Variants in MS4A2 observed in about 807,000 individuals in gnomAD.
MS4A2 encodes the protein membrane spanning 4-domains A2.
In MS4A2, 26 loss-of-function variants were observed where a neutral mutation model predicts 27.9. The ratio of observed to expected loss-of-function variants is 0.93; its 90% CI spans 0.68 to 1.29. The LOEUF is 1.29. Ranked by LOEUF, MS4A2 falls within the 50% of genes most tolerant of loss-of-function variation. The pLI is 0.00. For synonymous variants in MS4A2, 110 were observed against 98.8 expected (o/e 1.11, Z -0.67); for missense variants, 284 against 284.6 (o/e 1.00, Z 0.01).
At chr11:60,092,164 A>G (rs371903404) in intron 3 of MS4A2, among the ~76,000 whole-genome samples, 3 of 152,186 alleles carry the variant, frequency 2.0e-5, no homozygotes, top group Non-Finnish European at 2.9e-5. Context: ...TTGCTACTCC[A>G]AGAGTAACCC....
intron 3 of MS4A2, 93 bp downstream of exon 3, chr11:60,090,563 C>G (rs2847663): frequency 0.39 from 446,709 of 1,135,178 alleles, 91,638 homozygotes; most frequent in South Asian, 0.5. Context: ...CCAGTATTAA[C>G]ATGATATTTA....
In MS4A2 at chr11:60,097,956, T is replaced by C. The variant is rs1176662131; in HGVS notation, c.*2300T>C. On this transcript the variant is annotated 3_prime_UTR_variant, in exon 7 of 7. Coordinates refer to ENST00000278888, the MANE Select transcript of MS4A2 (RefSeq NM_000139.5). ...TCTACTCTTGATCATCTGTAGGTAT[T>C]AATCACATCACTTCCATGGCATGGA... 1.3e-5 allele frequency: 2 copies of C among 152,234 alleles called. No homozygotes were observed. Among genetic ancestry groups the C allele is most frequent in the East Asian group, 3.8e-4 (2 of 5,202 alleles). The allele number at this position is 152,234 out of a possible 1,614,324, so 9.4% of individuals were successfully genotyped here.
At position 60,097,238 on chromosome 11, in the gene MS4A2, A is replaced by G. The variant is rs1041790369; in HGVS notation, c.*1582A>G. 15 of 152,252 alleles carry G rather than the reference A, an allele frequency of 9.9e-5. No homozygotes were observed. Among genetic ancestry groups the G allele is most frequent in the African/African-American group, 3.4e-4 (14 of 41,460 alleles). The allele number at this position is 152,252 out of a possible 1,614,324, so 9.4% of individuals were successfully genotyped here. A position where few individuals can be genotyped will look rare whatever the true frequency, so the allele number is the denominator to read the frequency against. The stretch of plus-strand genomic sequence containing the variant: ...GAAGATACAATAATTAGTCATAAAC[A>G]TGCATTGTGAAACTGTAGAGAGCAG... On this transcript the variant is annotated 3_prime_UTR_variant, in exon 7 of 7. Coordinates refer to ENST00000278888, the MANE Select transcript of MS4A2 (RefSeq NM_000139.5).
chr11:60,089,935 A>C, intron 2 of MS4A2, 114 bp downstream of exon 2: 1 of 1,350,668 alleles, frequency 7.4e-7, no homozygotes, highest in East Asian at 2.4e-5. Context: ...GGTCCTTTAA[A>C]AAACATGGTA....
chr11:60,096,585 G>A lies in MS4A2; in HGVS notation c.*929G>A, dbSNP rs1855871760. ...ATGAAAGGAGAACACTGGTTATGTTGATAGAATGATAAAAAGGGTCGGGCG... is the reference window on the plus strand; with the variant it reads ...ATGAAAGGAGAACACTGGTTATGTTAATAGAATGATAAAAAGGGTCGGGCG... On this transcript the variant is annotated 3_prime_UTR_variant, in exon 7 of 7. Coordinates refer to ENST00000278888, the MANE Select transcript of MS4A2 (RefSeq NM_000139.5). The A allele has an allele frequency of 6.6e-6, 1 of 152,128 alleles. No individual in the cohort carries two copies. The allele number at this position is 152,128 out of a possible 1,614,324, so 9.4% of individuals were successfully genotyped here.
rs4405337 is a variant in MS4A2, at chr11:60,092,745, G to A, written c.322-47G>A. ...AAGATGGGGTTAAAAAGGACACATTGAAAACAAGAAACTCATTGTGGCTTT... is the reference window on the plus strand; with the variant it reads ...AAGATGGGGTTAAAAAGGACACATTAAAAACAAGAAACTCATTGTGGCTTT... On this transcript the variant is annotated intron_variant, in intron 3 of 6. Coordinates refer to ENST00000278888, the MANE Select transcript of MS4A2 (RefSeq NM_000139.5). 3,374 of 1,567,996 alleles carry A rather than the reference G, an allele frequency of 2.2e-3. 67 individuals are homozygous for A. The African/African-American group carries it at 0.041, about 19-fold the overall frequency.
At position 60,090,446 on chromosome 11, in the gene MS4A2, T is replaced by C; in HGVS notation, c.297T>C (p.Gly99=). 1 of 1,613,260 alleles carries C rather than the reference T, an allele frequency of 6.2e-7. No homozygotes were observed. Among genetic ancestry groups the C allele is most frequent in the Non-Finnish European group, 8.5e-7 (1 of 1,179,850 alleles). Residue 99 remains glycine, a synonymous_variant, in exon 3 of 7, where the codon GGT becomes GGC. Coordinates refer to ENST00000278888, the MANE Select transcript of MS4A2 (RefSeq NM_000139.5). ...EGDIFSSFKA[G]YPFWGAIFFS... ...ACATTTTTTCATCATTTAAAGCAGG[T>C]TATCCATTCTGGGGAGCCATATTTG... is the stretch of plus-strand genomic sequence containing the variant.
At chr11:60,093,291 G>T in intron 4 of MS4A2, 109 bp from the exon 5 acceptor site, 1 of 1,412,942 alleles carries the variant, frequency 7.1e-7, no homozygotes. Flanking sequence ...ACCAAAATTT[G>T]GAAGCAATGT....
chr11:60,092,267 T>C (rs1263723802), intron 3 of MS4A2, among the ~76,000 whole-genome samples: 6 of 151,912 alleles, frequency 3.9e-5, no homozygotes, highest in African/African-American at 1.5e-4. Context: ...ATCTGCATTT[T>C]AGCAAGACCC....
intron 6 of MS4A2, among the ~76,000 whole-genome samples, chr11:60,095,006 C>T (rs1465817394): frequency 1.3e-5 from 2 of 151,750 alleles, no homozygotes; most frequent in Non-Finnish European, 2.9e-5. Flanking sequence ...CAGAGCCATA[C>T]TTCCCAGCAC....
chr11:60,090,370 G>A lies in MS4A2; in HGVS notation c.221G>A (p.Cys74Tyr). 6 of 1,613,308 alleles carry A rather than the reference G, an allele frequency of 3.7e-6. No homozygotes were observed. Among genetic ancestry groups the A allele is most frequent in the Non-Finnish European group, 5.1e-6 (6 of 1,179,872 alleles). ...TQILTAMICL[C>Y]FGTVVCSVLD... ...ATTCTGACTGCTATGATATGCCTTT[G>A]TTTTGGAACAGTTGTCTGCTCTGTA... is the stretch of plus-strand genomic sequence containing the variant. The change falls in exon 3 of 7, where the codon TGT (cysteine) becomes TAT (tyrosine). Residue 74 changes from cysteine to tyrosine, a missense_variant. By Grantham distance (194) the Cys-to-Tyr change is radical. Transcript: ENST00000278888.
chr11:60,094,430 T>C (rs1413821190), intron 6 of MS4A2, among the ~76,000 whole-genome samples: 3 of 152,234 alleles, frequency 2.0e-5, no homozygotes, highest in Non-Finnish European at 4.4e-5. Context: ...TTTTATTCCT[T>C]TGTTTCTTGA....
Position 60,098,321 on chromosome 11 carries a change from C to T in MS4A2, c.*2665C>T, listed in dbSNP as rs1017280484. 6.6e-6 allele frequency: 1 copy of T among 152,182 alleles called. No homozygotes were observed. Among genetic ancestry groups the T allele is most frequent in the South Asian group, 2.1e-4 (1 of 4,830 alleles). 9.4% of individuals were successfully genotyped at this position (152,182 alleles called of 1,614,324 possible). ...CTCCATGAAGACCACTGAATGAACA[C>T]CTTTTCATCCAGCCTTAATTTCTTG... On this transcript the variant is annotated 3_prime_UTR_variant, in exon 7 of 7. Transcript: ENST00000278888.
At chr11:60,091,328 A>G (rs1855754878) in intron 3 of MS4A2, among the ~76,000 whole-genome samples, 1 of 152,174 alleles carries the variant, frequency 6.6e-6, no homozygotes, top group Non-Finnish European at 1.5e-5. Flanking sequence ...CTGGAAAAAT[A>G]GGTGGATGAG....
upstream of MS4A2, chr11:60,088,454 T>C: frequency 3.0e-6 from 1 of 334,452 alleles, no homozygotes; most frequent in Non-Finnish European, 5.2e-6. Flanking sequence ...CTAAAATGTC[T>C]CATTTTCAGG....
In MS4A2 at chr11:60,093,520, T is replaced by A. The variant is rs1855808146; in HGVS notation, c.499T>A (p.Phe167Ile). The change falls in exon 5 of 7, where the codon TTT (phenylalanine) becomes ATT (isoleucine). Residue 167 changes from phenylalanine to isoleucine, a missense_variant. Transcript: ENST00000278888. ...TATCCACATCCACAGTTGCCAGAAA[T>A]TTTTTGAGACCAAGTGCTTTATGGC... ...AYIHIHSCQK[F>I]FETKCFMASF... The A allele has an allele frequency of 6.2e-7, 1 of 1,614,180 alleles. No homozygotes were observed. Among genetic ancestry groups the A allele is most frequent in the Non-Finnish European group, 8.5e-7 (1 of 1,180,018 alleles).
intron 2 of MS4A2, 70 bp from the exon 3 acceptor site, chr11:60,090,266 A>G (rs1417510676): frequency 1.6e-5 from 24 of 1,498,134 alleles, no homozygotes; most frequent in Non-Finnish European, 2.0e-5. Flanking sequence ...TTTGGCTTCT[A>G]TTATTAAAAA....
chr11:60,091,252 A>G (rs988655575), intron 3 of MS4A2, among the ~76,000 whole-genome samples: 2 of 152,132 alleles, frequency 1.3e-5, no homozygotes, highest in African/African-American at 4.8e-5. Flanking sequence ...GCATATGGTG[A>G]CCTTCTATGC....
chr11:60,093,636 T>C (rs1340744665), intron 5 of MS4A2, 78 bp downstream of exon 5: 4 of 1,545,524 alleles, frequency 2.6e-6, no homozygotes, highest in Non-Finnish European at 3.6e-6. Context: ...TCCTGTTCCA[T>C]GAACACCATC....
Sources: allele counts gnomAD v4.1 joint callset (sites outside exome capture counted in the v4.1 genomes callset), GRCh38; gene constraint gnomAD v4.1.1; transcripts MANE v1.5; gene names NCBI Gene and HGNC (gene_info 2026-07-23, HGNC 2026-07-21).